The following ZNF423 variants were observed in gnomAD, a reference collection of about 807,000 sequenced individuals.
The protein encoded by ZNF423 is zinc finger protein 423, also known as Ebf-associated zinc finger protein.
In ZNF423, 12 loss-of-function variants were observed where a neutral mutation model predicts 95.8. The observed-to-expected ratio is 0.13, with a 90% CI of 0.08 to 0.20. The LOEUF (loss-of-function observed/expected upper bound fraction) is 0.20. Ranked by LOEUF, ZNF423 falls within the 10% of genes least tolerant of loss-of-function variation. The probability of loss-of-function intolerance (pLI) is 1.00; values close to 1 mark genes in which losing one functional copy is unlikely to be tolerated. For synonymous variants in ZNF423, 749 were observed against 711.9 expected, an observed-to-expected ratio of 1.05 and a Z score of -0.83; for missense variants, 1,316 against 1,737.1, an observed-to-expected ratio of 0.76 and a Z score of 4.31.
intron 1 of ZNF423, chr16:49,854,362 A>G (rs2035333835): frequency 1.1e-5 from 11 of 985,460 alleles, no homozygotes; most frequent in Non-Finnish European, 1.3e-5. Context: ...GGAGGACAGA[A>G]CTGACGAGTG....
chr16:49,619,091 C>T (rs147338761), intron 5 of ZNF423, among the ~76,000 whole-genome samples: 93 of 152,214 alleles, frequency 6.1e-4, no homozygotes, highest in African/African-American at 2.1e-3. Context: ...AATTCCCCTC[C>T]CACCTTACTT....
chr16:49,732,784 C>T (rs1255771781), intron 2 of ZNF423, among the ~76,000 whole-genome samples: 3 of 152,320 alleles, frequency 2.0e-5, no homozygotes, highest in East Asian at 3.9e-4. Context: ...ACAGAACATG[C>T]CCTTCCAAGC....
intron 5 of ZNF423, among the ~76,000 whole-genome samples, chr16:49,529,845 G>A (rs967858897): frequency 1.2e-4 from 18 of 152,094 alleles, no homozygotes; most frequent in African/African-American, 4.3e-4. Flanking sequence ...CTGGTGCACT[G>A]AGCGTGACCT....
intron 1 of ZNF423, among the ~76,000 whole-genome samples, chr16:49,809,208 G>A (rs1047143852): frequency 3.3e-5 from 5 of 152,202 alleles, no homozygotes; most frequent in Non-Finnish European, 7.3e-5. Context: ...GGCTCCCTTC[G>A]ATCAAAACAT....
intron 3 of ZNF423, among the ~76,000 whole-genome samples, chr16:49,684,975 A>G (rs2031507693): frequency 6.6e-6 from 1 of 152,154 alleles, no homozygotes; most frequent in Non-Finnish European, 1.5e-5. Flanking sequence ...CACGCGAACC[A>G]CCAACACCGG....
rs763725658 is a variant in ZNF423, at chr16:49,559,993, GGT to G, written c.3602-34501_3602-34500del. Reference sequence around the variant, plus strand: ...TCATGGTGACTTTGCCAGGGCAAAAGGTGTGCCCAGAAAATTGCCACCCTGTC... The same window carrying G: ...TCATGGTGACTTTGCCAGGGCAAAAGGTGCCCAGAAAATTGCCACCCTGTC... On this transcript the variant is annotated intron_variant, in intron 5 of 7. Transcript: ENST00000563137. Among the ~76,000 whole-genome samples, 42 of 152,198 alleles carry G rather than the reference GGT, an allele frequency of 2.8e-4. 1 individual carries two copies. The highest frequency in any genetic ancestry group is 2.4e-4 in the Non-Finnish European group (16 of 68,034).
chr16:49,638,920 G>A lies in ZNF423; in HGVS notation c.302-46C>T, dbSNP rs765165372. 1.4e-5 allele frequency: 21 copies of A among 1,546,998 alleles called. No homozygotes were observed. The South Asian group carries it at 1.9e-4, about 14-fold the overall frequency. On this transcript the variant is annotated intron_variant, in intron 3 of 7. Coordinates refer to ENST00000563137, the MANE Select transcript of ZNF423 (RefSeq NM_001379286.1). This position sits in a 1 kb window ranked among gnomAD's most constrained non-coding sequence, Gnocchi z 5.6. ...GATATTAGAGGCAATTCCCAGGGCT[G>A]CCGAGAAACAAGGACAGAGCCAGCT...
intron 3 of ZNF423, among the ~76,000 whole-genome samples, chr16:49,668,306 A>G (rs926334912): frequency 1.3e-5 from 2 of 152,180 alleles, no homozygotes; most frequent in Non-Finnish European, 2.9e-5. Flanking sequence ...AGGCCCCGAA[A>G]TGGCAGGGGT....
At chr16:49,813,690 C>G (rs78691069) in intron 1 of ZNF423, among the ~76,000 whole-genome samples, 14 of 152,348 alleles carry the variant, frequency 9.2e-5, no homozygotes, top group African/African-American at 3.4e-4. Flanking sequence ...TTGGCTCCCC[C>G]TTGGCCTCCT....
chr16:49,663,181 G>T (rs2030336270), intron 3 of ZNF423, among the ~76,000 whole-genome samples: 1 of 152,136 alleles, frequency 6.6e-6, no homozygotes, highest in Non-Finnish European at 1.5e-5. Context: ...ACGCAGGATT[G>T]GTACTCCTGC....
chr16:49,813,045 C>T (rs906895642), intron 1 of ZNF423, among the ~76,000 whole-genome samples: 1 of 152,168 alleles, frequency 6.6e-6, no homozygotes, highest in Non-Finnish European at 1.5e-5. Context: ...CCTTGGGGTG[C>T]TGCATTTTTG....
rs1203031672 is a variant in ZNF423, at chr16:49,622,542, C to G, written c.3601+3628G>C. ...CCATCTCTCCGAAGGCAACGTCCCC[C>G]CTCTTCATCCTTCAATGCCCAGGGG... On this transcript the variant is annotated intron_variant, in intron 5 of 7. Transcript: ENST00000563137. Among the ~76,000 whole-genome samples the G allele has an allele frequency of 2.6e-5, 4 of 152,340 alleles. 1 individual carries two copies. Among genetic ancestry groups the G allele is most frequent in the Non-Finnish European group, 1.5e-5 (1 of 68,032 alleles).
chr16:49,657,687 C>A (rs2029957079), intron 3 of ZNF423, among the ~76,000 whole-genome samples: 1 of 152,246 alleles, frequency 6.6e-6, no homozygotes, highest in African/African-American at 2.4e-5. Context: ...AGGCTCAACA[C>A]TGCACCCCAA....
At chr16:49,514,761 C>A (rs77120096) in intron 7 of ZNF423, among the ~76,000 whole-genome samples, 2,844 of 152,290 alleles carry the variant, frequency 0.019, 82 homozygotes, top group African/African-American at 0.065. Context: ...TTTGCCACCG[C>A]GGGCCCGGCT....
At chr16:49,600,014 T>C (rs1360834153) in intron 5 of ZNF423, among the ~76,000 whole-genome samples, 1 of 152,132 alleles carries the variant, frequency 6.6e-6, no homozygotes, top group African/African-American at 2.4e-5. Flanking sequence ...GTATGTAAGT[T>C]AAGCCTCAAT....
intron 2 of ZNF423, among the ~76,000 whole-genome samples, chr16:49,768,955 G>C (rs1412790878): frequency 6.6e-6 from 1 of 152,116 alleles, no homozygotes; most frequent in Non-Finnish European, 1.5e-5. Context: ...CTGCATCTCA[G>C]TGAGCACAGC....
At chr16:49,752,350 T>A (rs997434081) in intron 2 of ZNF423, among the ~76,000 whole-genome samples, 2 of 152,192 alleles carry the variant, frequency 1.3e-5, no homozygotes, top group Non-Finnish European at 2.9e-5. Flanking sequence ...TTCCTGACGG[T>A]GTCCCAGCCA....
chr16:49,766,417 C>T (rs2033930063), intron 2 of ZNF423, among the ~76,000 whole-genome samples: 1 of 152,124 alleles, frequency 6.6e-6, no homozygotes, highest in Non-Finnish European at 1.5e-5. Context: ...TTGTGGCAGG[C>T]AAGAAAACGC....
At chr16:49,494,145 C>T (rs773686974) in intron 7 of ZNF423, among the ~76,000 whole-genome samples, 18 of 152,204 alleles carry the variant, frequency 1.2e-4, no homozygotes, top group Non-Finnish European at 1.9e-4. Flanking sequence ...GGAACCCACA[C>T]CTGGGACCAC....
Sources: allele counts gnomAD v4.1 joint callset (sites outside exome capture counted in the v4.1 genomes callset), GRCh38; gene constraint gnomAD v4.1.1; non-coding constraint Gnocchi (gnomAD v3.1); transcripts MANE v1.5; gene names NCBI Gene and HGNC (gene_info 2026-07-23, HGNC 2026-07-21).